Variants in KLHL22 observed in about 807,000 individuals in gnomAD.
KLHL22 encodes kelch-like protein 22.
KLHL22 carries 18 observed loss-of-function variants against 60.7 expected under a neutral mutation model. The ratio of observed to expected loss-of-function variants is 0.30; its 90% confidence interval spans 0.20 to 0.44. The LOEUF (loss-of-function observed/expected upper bound fraction) is 0.44, where lower values mean the gene tolerates loss of function less well. Among genes scored for constraint, KLHL22 ranks in the 20% least tolerant of loss-of-function variants. The pLI is 1.00. For synonymous variants in KLHL22, 355 were observed against 354.5 expected (o/e 1.00, Z -0.01); for missense variants, 596 against 852.3 (o/e 0.70, Z 3.74).
At chr22:20,462,501 C>T (rs993128427) in intron 4 of KLHL22, among the ~76,000 whole-genome samples, 6 of 150,992 alleles carry the variant, frequency 4.0e-5, no homozygotes, top group Admixed American at 2.6e-4. Flanking sequence ...GCTGCAAGCA[C>T]GTACCATCAG....
intron 2 of KLHL22, chr22:20,483,190 C>T (rs533483689): frequency 3.1e-6 from 2 of 643,346 alleles, no homozygotes; most frequent in Non-Finnish European, 5.7e-6. Context: ...GGTTGATCTC[C>T]AAGGACTGGA....
At chr22:20,478,926 C>T (rs947416398) in intron 2 of KLHL22, among the ~76,000 whole-genome samples, 8 of 150,770 alleles carry the variant, frequency 5.3e-5, no homozygotes, top group Non-Finnish European at 1.0e-4. Flanking sequence ...GTCAGGAGTT[C>T]GAGACCAACT....
intron 2 of KLHL22, among the ~76,000 whole-genome samples, chr22:20,485,281 A>G (rs1445356779): frequency 1.3e-5 from 2 of 152,220 alleles, no homozygotes; most frequent in Non-Finnish European, 1.5e-5. Flanking sequence ...TACAAGGTTA[A>G]AGCATACAAG....
At position 20,465,908 on chromosome 22, in the gene KLHL22, C is replaced by T. The variant is rs116884858; in HGVS notation, c.394-332G>A. ...TCGGCTCACTAACACCTCCCCCTCC[C>T]GGGTTGAAATGATTCTCCTGCCTCA... On this transcript the variant is annotated intron_variant, in intron 3 of 6. Transcript: ENST00000328879. This position sits in a 1 kb window ranked among gnomAD's most constrained non-coding sequence, Gnocchi z 4.9. Among the ~76,000 whole-genome samples, 218 of 152,174 alleles carry T rather than the reference C, an allele frequency of 1.4e-3. 4 individuals are homozygous for T. The East Asian group carries it at 0.034, about 24-fold the overall frequency.
At chr22:20,461,763 G>A (rs1458892732) in intron 4 of KLHL22, among the ~76,000 whole-genome samples, 1 of 151,978 alleles carries the variant, frequency 6.6e-6, no homozygotes, top group Admixed American at 6.6e-5. Context: ...AGGAGTTCAA[G>A]ACCAACTTGG....
intron 5 of KLHL22, among the ~76,000 whole-genome samples, chr22:20,449,935 G>A (rs1026574125): frequency 6.0e-4 from 92 of 152,186 alleles, no homozygotes; most frequent in African/African-American, 2.1e-3. Context: ...GAGCAGACCC[G>A]GACAGCTCCA....
intron 5 of KLHL22, chr22:20,450,059 T>A: frequency 1.4e-6 from 1 of 702,838 alleles, no homozygotes; most frequent in Admixed American, 2.0e-5. Context: ...CGCGGCTGTG[T>A]GGGATCAGAA....
At chr22:20,483,009 C>T in intron 2 of KLHL22, 1 of 692,928 alleles carries the variant, frequency 1.4e-6, no homozygotes, top group Non-Finnish European at 2.6e-6. Context: ...TTAACGTTCA[C>T]CAGGGCGTCC....
Position 20,489,185 on chromosome 22 carries a change from C to T in KLHL22, c.27G>A (p.Gln9=). 6.2e-7 allele frequency: 1 copy of T among 1,614,112 alleles called. No individual in the cohort carries two copies. Among genetic ancestry groups the T allele is most frequent in the Non-Finnish European group, 8.5e-7 (1 of 1,180,040 alleles). ...AGGGCTGTGCAGGCAACTTGCAGAG[C>T]TGGGTGAACTCCTGCTCCTCTGCCA... is the stretch of plus-strand genomic sequence containing the variant. The part of the protein sequence containing the change: MAEEQEFT[Q]LCKLPAQPSH... Residue 9 remains glutamine (Q), a synonymous_variant, in exon 2 of 7, where the codon CAG becomes CAA. Transcript: ENST00000328879.
chr22:20,458,445 ATTTTTTTT>A (rs938534970), intron 4 of KLHL22, among the ~76,000 whole-genome samples: 5 of 90,454 alleles, frequency 5.5e-5, no homozygotes, highest in East Asian at 6.2e-4. Flanking sequence ...AACGCCCGCT[ATTTTTTTT>A]TTTTTTTTTT....
chr22:20,457,988 C>T lies in KLHL22; in HGVS notation c.1125G>A (p.Arg375=). 1 of 1,614,040 alleles carries T rather than the reference C, an allele frequency of 6.2e-7. No homozygotes were observed. Among genetic ancestry groups the T allele is most frequent in the South Asian group, 1.1e-5 (1 of 91,070 alleles). Residue 375 remains arginine, a synonymous_variant, in exon 5 of 7, where the codon CGG becomes CGA. Transcript: ENST00000328879. The stretch of plus-strand genomic sequence containing the variant: ...ACTGGATCTGGAACCAGCGGTTGTG[C>T]CGTGGGTCATACCTGTGCCGAGACA... ...AESRCWRYDP[R]HNRWFQIQSL... is the part of the protein sequence containing the mutation.
intron 2 of KLHL22, among the ~76,000 whole-genome samples, chr22:20,480,878 C>A (rs1289918852): frequency 7.1e-6 from 1 of 139,994 alleles, no homozygotes; most frequent in Admixed American, 7.6e-5. Flanking sequence ...GTCGCCCAGG[C>A]TGGAATGCAG....
At chr22:20,493,994 G>A (rs913435069) in intron 1 of KLHL22, among the ~76,000 whole-genome samples, 3 of 150,074 alleles carry the variant, frequency 2.0e-5, no homozygotes, top group East Asian at 3.9e-4. Flanking sequence ...CAGGAGAATC[G>A]ATTGAACCCA....
chr22:20,475,910 T>C (rs1355108092), intron 2 of KLHL22, among the ~76,000 whole-genome samples: 1 of 152,208 alleles, frequency 6.6e-6, no homozygotes, highest in Non-Finnish European at 1.5e-5. Context: ...ACAGGAATAG[T>C]CTCCTTTCGT....
At position 20,457,985 on chromosome 22, in the gene KLHL22, G is replaced by T; in HGVS notation, c.1128C>A (p.His376Gln). 5.6e-6 allele frequency: 9 copies of T among 1,614,132 alleles called. No homozygotes were observed. Among genetic ancestry groups the T allele is most frequent in the Non-Finnish European group, 7.6e-6 (9 of 1,180,018 alleles). The change falls in exon 5 of 7, where the codon CAC (histidine) becomes CAA (glutamine). Residue 376 changes from histidine to glutamine, a missense_variant. Physicochemically the swap from His to Gln is conservative, Grantham distance 24. Transcript: ENST00000328879. The stretch of plus-strand genomic sequence containing the variant: ...GGGACTGGATCTGGAACCAGCGGTT[G>T]TGCCGTGGGTCATACCTGTGCCGAG... ...ESRCWRYDPR[H>Q]NRWFQIQSLQ...
At chr22:20,482,275 T>G (rs2053515017) in intron 2 of KLHL22, 1 of 152,642 alleles carries the variant, frequency 6.6e-6, no homozygotes, top group Non-Finnish European at 1.5e-5. Context: ...GCTCACCATG[T>G]CTGCAGATAT....
At chr22:20,475,182 C>CTTTTTTTTTTTTT (rs361724) in intron 2 of KLHL22, 1 of 140,222 alleles carries the variant, frequency 7.1e-6, no homozygotes, top group Non-Finnish European at 1.5e-5. Flanking sequence ...AGAAATTTGT[C>CTTTTTTTTTTTTT]TTTTTTTTTT....
At chr22:20,475,067 TAGTC>T (rs1286082453) in intron 2 of KLHL22, 2 of 152,254 alleles carry the variant, frequency 1.3e-5, no homozygotes, top group South Asian at 2.1e-4. Context: ...TTCAGATTCT[TAGTC>T]AGTTTTCTGT....
intron 5 of KLHL22, among the ~76,000 whole-genome samples, chr22:20,457,183 C>G (rs924176846): frequency 2.0e-5 from 3 of 152,082 alleles, no homozygotes; most frequent in African/African-American, 4.8e-5. Context: ...AAGAGAGGCA[C>G]CTCCCTAAAA....
Sources: gnomAD v4.1 joint callset for allele counts (sites outside exome capture counted in the v4.1 genomes callset) on GRCh38, gnomAD v4.1.1 for gene constraint, Gnocchi (gnomAD v3.1) non-coding constraint, MANE v1.5 for transcripts, NCBI Gene and HGNC (gene_info 2026-07-23, HGNC 2026-07-21) for gene names.